RBFOX1: variants seen among roughly 807,000 people sequenced by gnomAD.
The protein encoded by RBFOX1 is RNA binding protein fox-1 homolog 1.
In RBFOX1, 8 loss-of-function variants were observed where a neutral mutation model predicts 57.7. The ratio of observed to expected loss-of-function variants is 0.14; its 90% CI spans 0.08 to 0.25. The LOEUF (loss-of-function observed/expected upper bound fraction) is 0.25, where lower values mean the gene tolerates loss of function less well. Among genes scored for constraint, RBFOX1 ranks in the 10% least tolerant of loss-of-function variants. RBFOX1 has a pLI of 1.00. For missense variants in RBFOX1, 611 were observed against 548.5 expected (o/e 1.11, Z -1.14); for synonymous variants, 326 against 222.4 (o/e 1.47, Z -4.15).
intron 3 of RBFOX1, among the ~76,000 whole-genome samples, chr16:6,789,865 T>G (rs1240153878): frequency 2.0e-5 from 3 of 151,876 alleles, no homozygotes. Context: ...GTTAGCTACT[T>G]TTTTTCTTAT....
Position 5,990,333 on chromosome 16 carries a change from A to G in RBFOX1, c.351+122998A>G, listed in dbSNP as rs140926790. ...AAGATTTCCACTGGCCGTAATGGAAAGAATCAGCTGGCCTTGGGCAATGAA... is the reference window on the plus strand; with the variant it reads ...AAGATTTCCACTGGCCGTAATGGAAGGAATCAGCTGGCCTTGGGCAATGAA... On this transcript the variant is annotated intron_variant, in intron 4 of 19. Transcript: ENST00000641259. Among the ~76,000 whole-genome samples, 8 of 152,310 alleles carry G rather than the reference A, an allele frequency of 5.3e-5. No individual in the cohort carries two copies. In the East Asian group the frequency reaches 9.7e-4, roughly 18 times the overall value.
At chr16:6,857,363 T>A (rs2058096560) in intron 3 of RBFOX1, among the ~76,000 whole-genome samples, 1 of 152,186 alleles carries the variant, frequency 6.6e-6, no homozygotes, top group South Asian at 2.1e-4. Context: ...GTGCTCACGT[T>A]ATTCTTAGTG....
At chr16:5,620,652 G>C (rs754689988) in intron 3 of RBFOX1, among the ~76,000 whole-genome samples, 4 of 151,888 alleles carry the variant, frequency 2.6e-5, no homozygotes, top group Non-Finnish European at 5.9e-5. Context: ...TGTTGGATTA[G>C]GGCCACCCTA....
At chr16:6,958,852 A>C (rs2082372947) in intron 3 of RBFOX1, among the ~76,000 whole-genome samples, 1 of 152,142 alleles carries the variant, frequency 6.6e-6, no homozygotes, top group Admixed American at 6.6e-5. Context: ...ATTTTCAAGG[A>C]GGTATCTTTT....
At position 5,867,175 on chromosome 16, in the gene RBFOX1, G is replaced by T. The variant is rs539292518; in HGVS notation, c.319-128G>T. 7.6e-5 allele frequency: 30 copies of T among 392,476 alleles called. No homozygotes were observed. The South Asian group carries it at 3.5e-3, about 46-fold the overall frequency. The allele number at this position is 392,476 out of a possible 1,614,324, so 24.3% of individuals were successfully genotyped here. A position where few individuals can be genotyped will look rare whatever the true frequency, so the allele number is the denominator to read the frequency against. Reference sequence around the variant, plus strand: ...ATGTGTGTGTGTGTGTGTGTGTGTGGTGTGTGTTGCAACCTTTGTCCCCTC... The same window carrying T: ...ATGTGTGTGTGTGTGTGTGTGTGTGTTGTGTGTTGCAACCTTTGTCCCCTC... On this transcript the variant is annotated intron_variant, in intron 3 of 19. Transcript: ENST00000641259.
At chr16:6,241,203 G>T (rs17139654) in intron 1 of RBFOX1, among the ~76,000 whole-genome samples, 6 of 152,106 alleles carry the variant, frequency 3.9e-5, no homozygotes, top group Non-Finnish European at 5.9e-5. Flanking sequence ...GCAAATTCCC[G>T]TTCAGACGGG....
At chr16:5,262,223 G>A (rs200606624) in intron 1 of RBFOX1, among the ~76,000 whole-genome samples, 8 of 151,822 alleles carry the variant, frequency 5.3e-5, no homozygotes, top group East Asian at 1.9e-4. Context: ...AGCAAGACAT[G>A]ATGGTTAGTG....
intron 1 of RBFOX1, among the ~76,000 whole-genome samples, chr16:6,311,046 C>T (rs1421957181): frequency 1.3e-5 from 2 of 151,962 alleles, no homozygotes; most frequent in Non-Finnish European, 2.9e-5. Flanking sequence ...CTTTTAATCC[C>T]AGCACTTTGG....
chr16:7,147,365 T>G (rs189897600), intron 4 of RBFOX1, among the ~76,000 whole-genome samples: 1 of 149,564 alleles, frequency 6.7e-6, no homozygotes, highest in Non-Finnish European at 1.5e-5. Context: ...GCAGGTCTGT[T>G]ACACAGGTAA....
rs553388824 is a variant in RBFOX1, at chr16:5,364,453, A to G, written c.220-102763A>G. Among the ~76,000 whole-genome samples the G allele has an allele frequency of 3.3e-5, 5 of 152,328 alleles. No homozygotes were observed. In the East Asian group the frequency reaches 5.8e-4, roughly 18 times the overall value. Reference sequence around the variant, plus strand: ...TTCCGGTTCCAATTACAGGCTGCCAATGGCAAGTACAGCCTCAGCCAAGAG... The same window carrying G: ...TTCCGGTTCCAATTACAGGCTGCCAGTGGCAAGTACAGCCTCAGCCAAGAG... On this transcript the variant is annotated intron_variant, in intron 1 of 2. Transcript: ENST00000585867.
intron 4 of RBFOX1, among the ~76,000 whole-genome samples, chr16:7,235,242 T>C (rs1037439707): frequency 5.9e-5 from 9 of 152,186 alleles, no homozygotes; most frequent in African/African-American, 1.9e-4. Flanking sequence ...TGAGGATTTT[T>C]ATTTTACATT....
intron 3 of RBFOX1, among the ~76,000 whole-genome samples, chr16:6,690,029 G>A (rs1267081003): frequency 6.6e-6 from 1 of 151,984 alleles, no homozygotes; most frequent in Non-Finnish European, 1.5e-5. Flanking sequence ...ATCTTCTTTG[G>A]GTAATCTTTT....
chr16:7,607,373 TCTTTTCTAAATGTGC>T, intron 10 of RBFOX1, 35 bp downstream of exon 10: 1 of 1,587,834 alleles, frequency 6.3e-7, no homozygotes, highest in Non-Finnish European at 8.6e-7. Flanking sequence ...GTCTTCTCAG[TCTTTTCTAAATGTGC>T]TTTGCCTGCC....
At chr16:5,412,255 ATCTCT>A (rs1245438783) in intron 1 of RBFOX1, among the ~76,000 whole-genome samples, 2 of 108,970 alleles carry the variant, frequency 1.8e-5, no homozygotes, top group East Asian at 5.1e-4. Context: ...TAGAATCCTC[ATCTCT>A]GAGTTAGGAA....
chr16:6,292,052 C>T (rs1181568153), intron 1 of RBFOX1, among the ~76,000 whole-genome samples: 2 of 152,022 alleles, frequency 1.3e-5, no homozygotes, highest in Admixed American at 1.3e-4. Context: ...TCAGTGAATA[C>T]TGCTGTGCCT....
At chr16:6,534,583 AG>A (rs2096709914) in intron 2 of RBFOX1, among the ~76,000 whole-genome samples, 1 of 152,196 alleles carries the variant, frequency 6.6e-6, no homozygotes, top group Admixed American at 6.5e-5. Flanking sequence ...CCAAATGTTT[AG>A]TAAATATTGA....
intron 1 of RBFOX1, among the ~76,000 whole-genome samples, chr16:6,083,498 A>T (rs932535284): frequency 7.2e-5 from 11 of 151,914 alleles, no homozygotes; most frequent in African/African-American, 2.7e-4. Flanking sequence ...GGTTTTTGAG[A>T]TAGGGTCTTG....
chr16:5,559,331 A>G (rs17138056), intron 2 of RBFOX1, among the ~76,000 whole-genome samples: 5,772 of 152,256 alleles, frequency 0.038, 369 homozygotes, highest in African/African-American at 0.13. Flanking sequence ...CTTAAGGATC[A>G]TAGTAAACAT....
intron 1 of RBFOX1, among the ~76,000 whole-genome samples, chr16:6,285,203 C>T (rs2076777074): frequency 6.6e-6 from 1 of 152,116 alleles, no homozygotes; most frequent in South Asian, 2.1e-4. Context: ...CGTTAATTTG[C>T]AAATTTGGAA....
Sources: allele counts gnomAD v4.1 joint callset (sites outside exome capture counted in the v4.1 genomes callset), GRCh38; gene constraint gnomAD v4.1.1; transcripts MANE v1.5; gene names NCBI Gene and HGNC (gene_info 2026-07-23, HGNC 2026-07-21).